Variants in PLA2G4B observed in about 807,000 individuals in gnomAD.
The protein encoded by PLA2G4B is cytosolic phospholipase A2 beta.
A neutral mutation model predicts 95.8 loss-of-function variants in PLA2G4B; 122 were observed. The observed-to-expected ratio is 1.27, with a 90% CI of 1.10 to 1.48. The LOEUF (loss-of-function observed/expected upper bound fraction) is 1.48. Among genes scored for constraint, PLA2G4B ranks in the 40% most tolerant of loss-of-function variants. The pLI, the probability that PLA2G4B is intolerant of heterozygous loss-of-function variation, is 0.00. For synonymous variants in PLA2G4B, 518 were observed against 421.5 expected, an observed-to-expected ratio of 1.23 and a Z score of -2.80; for missense variants, 1,158 against 996.2, an observed-to-expected ratio of 1.16 and a Z score of -2.19.
In PLA2G4B at chr15:41,846,612, G is replaced by T. The variant is rs888344011; in HGVS notation, c.1781-57G>T. Reference sequence around the variant, plus strand: ...CCAGAGGCCAGAGTCTCTCCTTCCAGCAGGAATCTGGTACCCTTGGTATCT... The same window carrying T: ...CCAGAGGCCAGAGTCTCTCCTTCCATCAGGAATCTGGTACCCTTGGTATCT... On this transcript the variant is annotated intron_variant, in intron 17 of 19. Transcript: ENST00000458483. 39 of 1,549,942 alleles carry T rather than the reference G, an allele frequency of 2.5e-5. No homozygotes were observed. The African/African-American group carries it at 3.4e-4, about 14-fold the overall frequency.
chr15:41,846,812 T>A lies in PLA2G4B; in HGVS notation c.1924T>A (p.Tyr642Asn). The change falls in exon 18 of 20, where the codon TAC (tyrosine) becomes AAC (asparagine). Residue 642 changes from tyrosine (Y) to asparagine (N), a missense_variant. Coordinates refer to ENST00000458483, the MANE Select transcript of PLA2G4B (RefSeq NM_001114633.2). ...CGTGGACCTCATCCTGTCATTGGAC[T>A]ACAACCTCCACGGAGCCTTCCAGGT... The part of the protein sequence containing the change: ...RDVDLILSLD[Y>N]NLHGAFQQLQ... The A allele has an allele frequency of 6.2e-7, 1 of 1,612,490 alleles. No individual in the cohort carries two copies. Among genetic ancestry groups the A allele is most frequent in the South Asian group, 1.1e-5 (1 of 90,952 alleles).
Position 41,847,437 on chromosome 15 carries a change from C to T in PLA2G4B, c.2048C>T (p.Thr683Ile), listed in dbSNP as rs759083916. The part of the protein sequence containing the change: ...EEQLQPRECH[T>I]FSDPTCPGAP... ...CAGCTCCAGCCTCGGGAGTGCCACACCTTCTCCGACCCCACCTGCCCCGGA... is the reference window on the plus strand; with the variant it reads ...CAGCTCCAGCCTCGGGAGTGCCACATCTTCTCCGACCCCACCTGCCCCGGA... Residue 683 changes from threonine (T) to isoleucine (I), a missense_variant, in exon 19 of 20, where the codon ACC becomes ATC. Coordinates refer to ENST00000458483, the MANE Select transcript of PLA2G4B (RefSeq NM_001114633.2). 1.9e-6 allele frequency: 3 copies of T among 1,613,518 alleles called. No homozygotes were observed. The highest frequency in any genetic ancestry group is 2.2e-5 in the East Asian group (1 of 44,888).
At chr15:41,841,205 A>C in intron 5 of PLA2G4B, 26 bp from the exon 6 acceptor site, 2 of 1,613,816 alleles carry the variant, frequency 1.2e-6, no homozygotes, top group Non-Finnish European at 8.5e-7. Context: ...GACTCCTGCT[A>C]AGGGGGCTCT....
In PLA2G4B at chr15:41,846,223, C is replaced by A. The variant is rs767455399; in HGVS notation, c.1621C>A (p.Leu541Met). Residue 541 changes from leucine to methionine, a missense_variant, in exon 17 of 20, where the codon CTG becomes ATG. Coordinates refer to ENST00000458483, the MANE Select transcript of PLA2G4B (RefSeq NM_001114633.2). Reference protein sequence around the residue: ...ANLDKEQVPLLKIEEPPSTAG... With the variant: ...ANLDKEQVPLMKIEEPPSTAG... ...TGTAGACAAGGAGCAGGTCCCCCTT[C>A]TGAAGATAGAAGAACCACCCTCAAC... 5.6e-6 allele frequency: 9 copies of A among 1,613,938 alleles called. No individual in the cohort carries two copies. The highest frequency in any genetic ancestry group is 1.1e-5 in the South Asian group (1 of 91,080).
Position 41,845,667 on chromosome 15 carries a change from G to A in PLA2G4B, c.1387G>A (p.Gly463Ser), listed in dbSNP as rs559057005. The A allele has an allele frequency of 6.8e-6, 11 of 1,614,152 alleles. No homozygotes were observed. The highest frequency in any genetic ancestry group is 3.3e-5 in the Admixed American group (2 of 60,020). The change falls in exon 15 of 20, where the codon GGC becomes AGC. Residue 463 changes from glycine to serine, a missense_variant. By Grantham distance (56) the Gly-to-Ser change is moderately conservative (BLOSUM62 0). Transcript: ENST00000458483. ...EWCEFSPYEV[G>S]FPKYGAFIPS... is the part of the protein sequence containing the mutation. ...GTGCGAGTTCTCTCCCTACGAGGTC[G>A]GCTTCCCCAAGTACGGGGCCTTCAT...
chr15:41,841,207 G>A, intron 5 of PLA2G4B, 24 bp from the exon 6 acceptor site: 1 of 1,614,014 alleles, frequency 6.2e-7, no homozygotes, highest in Non-Finnish European at 8.5e-7. Context: ...CTCCTGCTAA[G>A]GGGGCTCTGG....
At chr15:41,840,336 C>A in intron 2 of PLA2G4B, 106 bp downstream of exon 2, 1 of 1,574,346 alleles carries the variant, frequency 6.4e-7, no homozygotes, top group Non-Finnish European at 8.6e-7. Flanking sequence ...GGCCGGTGGG[C>A]AGGGCCTAGA....
At chr15:41,842,533 T>G in intron 9 of PLA2G4B, 21 bp from the exon 10 acceptor site, 2 of 1,611,446 alleles carry the variant, frequency 1.2e-6, no homozygotes, top group Non-Finnish European at 1.7e-6. Flanking sequence ...CTTTTGTGAC[T>G]GGGGCCTTCA....
rs779668927 is a variant in PLA2G4B, at chr15:41,841,307, G to T, written c.435+34G>T. 3.1e-6 allele frequency: 5 copies of T among 1,611,558 alleles called. No homozygotes were observed. In the Admixed American group the frequency reaches 8.3e-5, roughly 27 times the overall value. ...GCCAGTGCTCTGGGAGGCGGTCTGGGGTCCCCGGGACTCCCTCATGCCAGC... is the reference window on the plus strand; with the variant it reads ...GCCAGTGCTCTGGGAGGCGGTCTGGTGTCCCCGGGACTCCCTCATGCCAGC... On this transcript the variant is annotated intron_variant, in intron 6 of 19. Coordinates refer to ENST00000458483, the MANE Select transcript of PLA2G4B (RefSeq NM_001114633.2).
rs2065386730 is a variant in PLA2G4B, at chr15:41,839,584, G to A, written c.10-574G>A. ...CATTTCCAGGATGCTCTTCTGACCA[G>A]GGTGGAGGGAGGGTACGAGAGCAGC... On this transcript the variant is annotated intron_variant, in intron 1 of 19. Transcript: ENST00000458483. 3 of 154,824 alleles carry A rather than the reference G, an allele frequency of 1.9e-5. No individual in the cohort carries two copies. In the South Asian group the frequency reaches 6.0e-4, roughly 31 times the overall value. The allele number at this position is 154,824 out of a possible 1,614,324, so 9.6% of individuals were successfully genotyped here.
At chr15:41,847,264 A>G (rs552436363) in intron 18 of PLA2G4B, 73 bp from the exon 19 acceptor site, 3 of 1,512,688 alleles carry the variant, frequency 2.0e-6, no homozygotes, top group African/African-American at 2.8e-5. Context: ...GGTCCTGTGC[A>G]TCTTACGTCA....
chr15:41,840,653 A>G lies in PLA2G4B; in HGVS notation c.212A>G (p.Gln71Arg), dbSNP rs767375478. The stretch of plus-strand genomic sequence containing the variant: ...AGCTTTCACTTCAGGATCCACAGGC[A>G]GCTCAAGGTGGGCCAGGCATCAGCG... ...NQSFHFRIHR[Q>R]LKNVMELKVF... The change falls in exon 3 of 20, where the codon CAG becomes CGG. Residue 71 changes from glutamine to arginine, a missense_variant. By Grantham distance (43) the Gln-to-Arg change is conservative. Transcript: ENST00000458483. 2 of 1,613,358 alleles carry G rather than the reference A, an allele frequency of 1.2e-6. No individual in the cohort carries two copies. Among genetic ancestry groups the G allele is most frequent in the South Asian group, 1.1e-5 (1 of 91,006 alleles).
Position 41,846,044 on chromosome 15 carries a change from C to G in PLA2G4B, c.1597C>G (p.Leu533Val). The change falls in exon 16 of 20, where the codon CTG becomes GTG. Residue 533 changes from leucine to valine, a missense_variant. Leu to Val is a conservative substitution (Grantham distance 32, BLOSUM62 1). Coordinates refer to ENST00000458483, the MANE Select transcript of PLA2G4B (RefSeq NM_001114633.2). ...WDRWVRNQAN[L>V]DKEQVPLLKI... ...CCGCTGGGTCAGGAACCAGGCCAAC[C>G]TGGGTAAGTGCTCCGGGCCCTTCAT... The G allele has an allele frequency of 1.3e-6, 2 of 1,561,886 alleles. No individual in the cohort carries two copies. Among genetic ancestry groups the G allele is most frequent in the Non-Finnish European group, 1.7e-6 (2 of 1,153,040 alleles).
In PLA2G4B at chr15:41,844,485, T is replaced by C. The variant is rs1218131785; in HGVS notation, c.894T>C (p.Ala298=). Residue 298 remains alanine (A), a synonymous_variant, in exon 12 of 20, where the codon GCT becomes GCC. Transcript: ENST00000458483. ...TTCTTTTCCAGATCCCAGTGGTAGCTATTATGGCCACTGGTGGTGGGATCC... is the reference window on the plus strand; with the variant it reads ...TTCTTTTCCAGATCCCAGTGGTAGCCATTATGGCCACTGGTGGTGGGATCC... The part of the protein sequence containing the change: ...DLQEDEIPVV[A]IMATGGGIRA... 7 of 1,614,058 alleles carry C rather than the reference T, an allele frequency of 4.3e-6. No homozygotes were observed. Among genetic ancestry groups the C allele is most frequent in the Non-Finnish European group, 5.9e-6 (7 of 1,180,016 alleles).
Position 41,841,813 on chromosome 15 carries a change from T to C in PLA2G4B, c.491-6T>C, listed in dbSNP as rs376913233. 1.5e-4 allele frequency: 237 copies of C among 1,613,076 alleles called. No individual in the cohort carries two copies. Among genetic ancestry groups the C allele is most frequent in the Middle Eastern group, 1.3e-3 (8 of 6,058 alleles). On this transcript the variant is annotated splice_polypyrimidine_tract_variant and splice_region_variant and intron_variant, in intron 7 of 19. Transcript: ENST00000458483. ...CCAGCCTCTCTGCTCTGGTTCCTGT[T>C]TCCAGCCTCAGAGCACAGAGTTCAG...
At chr15:41,840,269 G>GGAGGAGGAGGGTGCT in intron 2 of PLA2G4B, 39 bp downstream of exon 2, 2 of 1,609,578 alleles carry the variant, frequency 1.2e-6, no homozygotes, top group African/African-American at 1.3e-5. Context: ...CTGGGCTGAG[G>GGAGGAGGAGGGTGCT]GAGGAGGAGG....
In PLA2G4B at chr15:41,847,392, T is replaced by TC. The variant is rs2065582798; in HGVS notation, c.2004dup (p.Ser669LeufsTer131). On this transcript the variant is annotated frameshift_variant, in exon 19 of 20. Coordinates refer to ENST00000458483, the MANE Select transcript of PLA2G4B (RefSeq NM_001114633.2). LOFTEE classifies it high-confidence loss of function. The stretch of plus-strand genomic sequence containing the variant: ...GAGCAGGGGATCCCGTTCCCACCCA[T>TC]CTCGCCCAGCCCCGAAGAGCAGCTC... 6.2e-7 allele frequency: 1 copy of TC among 1,612,270 alleles called. No individual in the cohort carries two copies. Among genetic ancestry groups the TC allele is most frequent in the Non-Finnish European group, 8.5e-7 (1 of 1,179,570 alleles).
rs956653397 is a variant in PLA2G4B at position 41,847,578 on chromosome 15, G to A, written c.2134+55G>A. On this transcript the variant is annotated intron_variant, in intron 19 of 19. Coordinates refer to ENST00000458483, the MANE Select transcript of PLA2G4B (RefSeq NM_001114633.2). ...TGCCCCAGTCCCCCACACCTCCTCC[G>A]TCCCCTGTGCCTCTCCAAACCTGTC... is the stretch of plus-strand genomic sequence containing the variant. The A allele has an allele frequency of 5.2e-5, 83 of 1,608,298 alleles. 1 individual carries two copies. Among genetic ancestry groups the A allele is most frequent in the South Asian group, 2.8e-4 (25 of 90,666 alleles).
rs1268214436 is a variant in PLA2G4B at position 41,843,772 on chromosome 15, G to A, written c.840G>A (p.Arg280=). ...RRKQVVAAAL[R]QALQLDGDLQ... is the part of the protein sequence containing the mutation. Reference sequence around the variant, plus strand: ...AGCAGGTGGTGGCCGCGGCCTTGAGGCAGGCCCTGCAGCTGGACGGAGACC... The same window carrying A: ...AGCAGGTGGTGGCCGCGGCCTTGAGACAGGCCCTGCAGCTGGACGGAGACC... The change falls in exon 11 of 20, where the codon AGG becomes AGA. Residue 280 remains arginine, a synonymous_variant. Transcript: ENST00000458483. 7.4e-6 allele frequency: 12 copies of A among 1,613,756 alleles called. No individual in the cohort carries two copies.
Sources: gnomAD v4.1 joint callset for allele counts on GRCh38, gnomAD v4.1.1 for gene constraint, MANE v1.5 for transcripts, NCBI Gene and HGNC (gene_info 2026-07-23, HGNC 2026-07-21) for gene names.